COL8A1: variants seen among roughly 807,000 people sequenced by gnomAD.
COL8A1 encodes the protein collagen alpha-1(VIII) chain.
In COL8A1, 21 loss-of-function variants were observed where a neutral mutation model predicts 42.7. The observed-to-expected ratio is 0.49, with a 90% CI of 0.35 to 0.71. The LOEUF is 0.71. Among genes scored for constraint, COL8A1 ranks in the 30% least tolerant of loss-of-function variants. COL8A1 has a pLI of 0.01. For missense variants in COL8A1, 788 were observed against 962.4 expected (o/e 0.82, Z 2.40); for synonymous variants, 367 against 369.1 (o/e 0.99, Z 0.06).
chr3:99,733,784 A>G (rs563362555), intron 1 of COL8A1, among the ~76,000 whole-genome samples: 3,952 of 151,374 alleles, frequency 0.026, 161 homozygotes, highest in African/African-American at 0.087. Context: ...AAGTGTTCCT[A>G]TTTCTCCACA....
At chr3:99,758,777 G>C (rs534258183) in intron 2 of COL8A1, among the ~76,000 whole-genome samples, 1 of 152,236 alleles carries the variant, frequency 6.6e-6, no homozygotes, top group East Asian at 1.9e-4. Flanking sequence ...CTTGAAGTCA[G>C]GTCTCTCTCT....
chr3:99,701,520 C>G (rs1191658707), intron 1 of COL8A1, among the ~76,000 whole-genome samples: 4 of 152,178 alleles, frequency 2.6e-5, no homozygotes, highest in Non-Finnish European at 5.9e-5. Flanking sequence ...TCCTCCACTT[C>G]TTAGAACCCC....
chr3:99,685,877 A>C (rs1400649440), intron 1 of COL8A1, among the ~76,000 whole-genome samples: 1 of 152,228 alleles, frequency 6.6e-6, no homozygotes, highest in Non-Finnish European at 1.5e-5. Flanking sequence ...GGCACATAGC[A>C]AGGGAGTTGG....
At chr3:99,670,930 T>C (rs977649331) in intron 1 of COL8A1, among the ~76,000 whole-genome samples, 1 of 151,744 alleles carries the variant, frequency 6.6e-6, no homozygotes, top group Non-Finnish European at 1.5e-5. Context: ...TTGTAGCACA[T>C]TCAGGCTCAT....
At chr3:99,786,238 T>C (rs1055760481) in intron 2 of COL8A1, among the ~76,000 whole-genome samples, 1 of 152,202 alleles carries the variant, frequency 6.6e-6, no homozygotes, top group African/African-American at 2.4e-5. Context: ...TTTATCCTGC[T>C]GCTATACATT....
At chr3:99,754,613 C>A (rs571514682) in intron 2 of COL8A1, among the ~76,000 whole-genome samples, 1 of 152,188 alleles carries the variant, frequency 6.6e-6, no homozygotes, top group African/African-American at 2.4e-5. Flanking sequence ...CTGTACTTGG[C>A]CTGTGCACCT....
At chr3:99,647,972 A>G (rs1468900978) in intron 1 of COL8A1, among the ~76,000 whole-genome samples, 1 of 152,200 alleles carries the variant, frequency 6.6e-6, no homozygotes, top group Non-Finnish European at 1.5e-5. Flanking sequence ...GGCACAGTTG[A>G]GCACCCTCTG....
At chr3:99,792,314 CTGTT>C (rs1292510243) in intron 3 of COL8A1, among the ~76,000 whole-genome samples, 4 of 152,174 alleles carry the variant, frequency 2.6e-5, no homozygotes, top group Non-Finnish European at 5.9e-5. Context: ...AATGAGTTCT[CTGTT>C]TGTATTTTAT....
chr3:99,789,950 C>G (rs538065874), intron 2 of COL8A1, among the ~76,000 whole-genome samples: 1 of 152,324 alleles, frequency 6.6e-6, no homozygotes, highest in South Asian at 2.1e-4. Flanking sequence ...TTCTCTTCAA[C>G]TCAGAAGACT....
intron 1 of COL8A1, among the ~76,000 whole-genome samples, chr3:99,719,169 C>A (rs1013016149): frequency 3.3e-5 from 5 of 152,002 alleles, no homozygotes; most frequent in African/African-American, 1.2e-4. Flanking sequence ...AAGTATCTAG[C>A]ACATAGTAGA....
At chr3:99,648,346 A>G (rs1937722709) in intron 1 of COL8A1, among the ~76,000 whole-genome samples, 3 of 152,138 alleles carry the variant, frequency 2.0e-5, no homozygotes, top group African/African-American at 2.4e-5. Context: ...TAAACTTCCT[A>G]TGACAACGCC....
At chr3:99,749,263 A>AG (rs149989027) in intron 2 of COL8A1, among the ~76,000 whole-genome samples, 5,716 of 152,260 alleles carry the variant, frequency 0.038, 338 homozygotes, top group African/African-American at 0.13. Flanking sequence ...AGTTACACCA[A>AG]GGTTCTCTCA....
intron 1 of COL8A1, among the ~76,000 whole-genome samples, chr3:99,660,172 G>T (rs1938159732): frequency 1.3e-5 from 2 of 152,146 alleles, no homozygotes; most frequent in South Asian, 2.1e-4. Flanking sequence ...TGTACAGAAA[G>T]TTCCAGCGGG....
chr3:99,662,421 T>C (rs1365263234), intron 1 of COL8A1, among the ~76,000 whole-genome samples: 3 of 151,092 alleles, frequency 2.0e-5, no homozygotes, highest in Non-Finnish European at 3.0e-5. Context: ...TTAATTACAG[T>C]AATAGTGAAA....
At chr3:99,747,625 C>T (rs1189826486) in intron 2 of COL8A1, among the ~76,000 whole-genome samples, 2 of 152,040 alleles carry the variant, frequency 1.3e-5, no homozygotes, top group African/African-American at 2.4e-5. Flanking sequence ...TTGAAGAACA[C>T]GGGATTTTAT....
intron 2 of COL8A1, among the ~76,000 whole-genome samples, chr3:99,748,559 TATG>T (rs1327116352): frequency 6.6e-6 from 1 of 152,208 alleles, no homozygotes; most frequent in Non-Finnish European, 1.5e-5. Flanking sequence ...TACTTATTAA[TATG>T]ATAATAAAAA....
chr3:99,741,564 C>T (rs1290152379), intron 1 of COL8A1, among the ~76,000 whole-genome samples: 1 of 152,124 alleles, frequency 6.6e-6, no homozygotes, highest in Non-Finnish European at 1.5e-5. Flanking sequence ...ACTCATCTGG[C>T]AACTGGTTAA....
chr3:99,718,278 C>CT (rs1201506928), intron 1 of COL8A1, among the ~76,000 whole-genome samples: 2 of 151,978 alleles, frequency 1.3e-5, no homozygotes, highest in Non-Finnish European at 2.9e-5. Flanking sequence ...AGTACCATGG[C>CT]TTAGGCTTAC....
chr3:99,681,154 TA>T (rs1322798880), intron 1 of COL8A1, among the ~76,000 whole-genome samples: 7 of 152,144 alleles, frequency 4.6e-5, no homozygotes, highest in Non-Finnish European at 8.8e-5. Context: ...CTAATTAAAC[TA>T]AAGAGCTTCT....
Sources: gnomAD v4.1 joint callset for allele counts (sites outside exome capture counted in the v4.1 genomes callset) on GRCh38, gnomAD v4.1.1 for gene constraint, MANE v1.5 for transcripts, NCBI Gene and HGNC (gene_info 2026-07-23, HGNC 2026-07-21) for gene names.